The following FADS6 variants were observed in gnomAD, a reference collection of about 807,000 sequenced individuals.
FADS6 encodes fatty acid desaturase 6.
In FADS6, 28 loss-of-function variants were observed where a neutral mutation model predicts 31.7. The ratio of observed to expected loss-of-function variants is 0.88; its 90% CI spans 0.66 to 1.21. FADS6 has a LOEUF of 1.21. Among genes scored for constraint, FADS6 ranks in the 50% most tolerant of loss-of-function variants. The pLI, the probability that FADS6 is intolerant of heterozygous loss-of-function variation, is 0.00. For synonymous variants in FADS6, 191 were observed against 213.1 expected (o/e 0.90, Z 0.90); for missense variants, 494 against 504.2 (o/e 0.98, Z 0.19).
chr17:74,883,049 C>T (rs764862829), intron 2 of FADS6, among the ~76,000 whole-genome samples: 34 of 152,226 alleles, frequency 2.2e-4, no homozygotes, highest in Non-Finnish European at 4.1e-4. Flanking sequence ...GTGATGACCC[C>T]GGCATCCAAT....
intron 1 of FADS6, among the ~76,000 whole-genome samples, chr17:74,892,975 A>T (rs977517374): frequency 3.3e-5 from 5 of 152,088 alleles, no homozygotes; most frequent in African/African-American, 1.2e-4. Flanking sequence ...CAGACCAGGA[A>T]GGGTCCAGGG....
Position 74,882,533 on chromosome 17 carries a change from C to T in FADS6, c.589G>A (p.Val197Ile). The T allele has an allele frequency of 6.2e-7, 1 of 1,608,158 alleles. No individual in the cohort carries two copies. Among genetic ancestry groups the T allele is most frequent in the Non-Finnish European group, 8.5e-7 (1 of 1,176,854 alleles). The change falls in exon 3 of 6, where the codon GTC becomes ATC. Residue 197 changes from valine to isoleucine, a missense_variant. Physicochemically the swap from Val to Ile is conservative, Grantham distance 29. Around this residue, in one of 2 missense-constraint regions of FADS6, gnomAD observed 454 missense variants for 438.5 expected, o/e 1.04. Transcript: ENST00000612771. ...ACCGGGCTCTCATGGCACTCACCGA[C>T]AGCCACCAGTGGAGTGGCGATGGGG... Reference protein sequence around the residue: ...LLPIATPLVAVERLRKVELGT... With the variant: ...LLPIATPLVAIERLRKVELGT...
chr17:74,893,079 C>T (rs1342042932), intron 1 of FADS6, among the ~76,000 whole-genome samples: 1 of 142,176 alleles, frequency 7.0e-6, no homozygotes, highest in Non-Finnish European at 1.5e-5. Context: ...CCCGGCCACT[C>T]CCCCGCTCCT....
chr17:74,888,052 G>A (rs689777), intron 2 of FADS6, among the ~76,000 whole-genome samples: 15,255 of 151,844 alleles, frequency 0.1, 1,245 homozygotes, highest in African/African-American at 0.22. Context: ...AGTCCCTGGG[G>A]AAGTGGAACG....
At position 74,893,560 on chromosome 17, in the gene FADS6, G is replaced by GGGCTCCGTAGGTTCCATC. The variant is rs1567931227; in HGVS notation, c.18_35dup (p.Thr28_Pro33dup). On this transcript the variant is annotated inframe_insertion, in exon 1 of 6. Coordinates refer to ENST00000612771, the MANE Select transcript of FADS6 (RefSeq NM_178128.6). ...GTTCCATGGGCTCCGTAGGTTCCAT[G>GGGCTCCGTAGGTTCCATC]GGCTCCGTAGGTTCCATCGGCTCCG... The GGGCTCCGTAGGTTCCATC allele has an allele frequency of 4.0e-5, 55 of 1,374,436 alleles. No individual in the cohort carries two copies. Among genetic ancestry groups the GGGCTCCGTAGGTTCCATC allele is most frequent in the East Asian group, 2.0e-4 (7 of 34,572 alleles). The allele number at this position is 1,374,436 out of a possible 1,614,324, so 85.1% of individuals were successfully genotyped here.
At chr17:74,876,323 C>T (rs368748442), downstream of FADS6, among the ~76,000 whole-genome samples, 2 of 152,280 alleles carry the variant, frequency 1.3e-5, no homozygotes, top group South Asian at 4.1e-4. Context: ...AAAAACAAGG[C>T]AATTACACGC....
intron 2 of FADS6, 107 bp downstream of exon 2, chr17:74,892,415 GC>G (rs10715050): frequency 7.4e-7 from 1 of 1,355,560 alleles, no homozygotes. Flanking sequence ...GCAGCGGCCT[GC>G]CCCCGTGGGC....
intron 4 of FADS6, among the ~76,000 whole-genome samples, chr17:74,880,255 G>A (rs775920710): frequency 9.2e-5 from 14 of 152,126 alleles, no homozygotes; most frequent in African/African-American, 3.1e-4. Flanking sequence ...CATCTTTCTC[G>A]GGGCAGGCAC....
intron 2 of FADS6, among the ~76,000 whole-genome samples, chr17:74,887,322 C>T (rs949448545): frequency 1.3e-5 from 2 of 152,190 alleles, no homozygotes; most frequent in Non-Finnish European, 2.9e-5. Flanking sequence ...TGGGCTCAAG[C>T]GATCCTCCTG....
chr17:74,889,094 C>T (rs1352047176), intron 2 of FADS6, among the ~76,000 whole-genome samples: 1 of 152,184 alleles, frequency 6.6e-6, no homozygotes, highest in East Asian at 1.9e-4. Context: ...GAAACAACAG[C>T]CTGGAGTGGA....
intron 4 of FADS6, 55 bp downstream of exon 4, chr17:74,881,013 C>A: frequency 2.0e-6 from 3 of 1,531,442 alleles, no homozygotes; most frequent in Admixed American, 2.0e-5. Flanking sequence ...GTGATCAGGG[C>A]CCCTGGAGAA....
In FADS6 at chr17:74,878,386, C is replaced by A; in HGVS notation, c.1052G>T (p.Arg351Leu). The A allele has an allele frequency of 6.2e-7, 1 of 1,614,000 alleles. No homozygotes were observed. The highest frequency in any genetic ancestry group is 8.5e-7 in the Non-Finnish European group (1 of 1,179,880). The change falls in exon 6 of 6, where the codon CGC (arginine) becomes CTC (leucine). Residue 351 changes from arginine to leucine, a missense_variant. Physicochemically the swap from Arg to Leu is moderately radical, Grantham distance 102. Transcript: ENST00000612771. ...GGCCTGCACCATGAATTCCTCATAG[C>A]GACGGAGAAACAGCTGGAAGCGAGC... ...YLARFQLFLRRYEEFMVQAPP... is the reference protein window; with the variant it reads ...YLARFQLFLRLYEEFMVQAPP...
At chr17:74,893,265 G>A in intron 1 of FADS6, 87 bp downstream of exon 1, 1 of 1,371,226 alleles carries the variant, frequency 7.3e-7, no homozygotes, top group Non-Finnish European at 9.5e-7. Flanking sequence ...TCCCACGGCT[G>A]CTGTTGCAGA....
chr17:74,881,381 A>G, intron 3 of FADS6, 126 bp from the exon 4 acceptor site: 3 of 865,370 alleles, frequency 3.5e-6, no homozygotes, highest in Non-Finnish European at 5.2e-6. Flanking sequence ...AGCCCTGAAA[A>G]GCAGGGCACC....
intron 2 of FADS6, among the ~76,000 whole-genome samples, 192 bp downstream of exon 2, chr17:74,892,331 C>T (rs1057459079): frequency 7.2e-5 from 11 of 152,202 alleles, no homozygotes; most frequent in Non-Finnish European, 1.2e-4. Context: ...TGCAAAGACC[C>T]GCTCAAGGGC....
intron 2 of FADS6, among the ~76,000 whole-genome samples, chr17:74,888,154 ACG>A (rs67402175): frequency 7.7e-4 from 104 of 134,796 alleles, no homozygotes; most frequent in African/African-American, 2.2e-3. Context: ...ACACACACAC[ACG>A]CGCGCGCGCG....
rs1645543301 is a variant in FADS6, at chr17:74,892,414, T to C, written c.411+109A>G. The C allele has an allele frequency of 6.0e-6, 8 of 1,337,888 alleles. No homozygotes were observed. In the African/African-American group the frequency reaches 1.1e-4, roughly 18 times the overall value. 82.9% of individuals were successfully genotyped at this position (1,337,888 alleles called of 1,614,324 possible). ...CGGCATACCATCAGCTGCAGCGGCC[T>C]GCCCCCGTGGGCACATGCACAGCTG... On this transcript the variant is annotated intron_variant, in intron 2 of 5. Coordinates refer to ENST00000612771, the MANE Select transcript of FADS6 (RefSeq NM_178128.6).
chr17:74,880,651 C>T lies in FADS6; in HGVS notation c.780+417G>A, dbSNP rs543307013. Among the ~76,000 whole-genome samples, 3 of 152,252 alleles carry T rather than the reference C, an allele frequency of 2.0e-5. No individual in the cohort carries two copies. In the East Asian group the frequency reaches 5.8e-4, roughly 29 times the overall value. On this transcript the variant is annotated intron_variant, in intron 4 of 5. Coordinates refer to ENST00000612771, the MANE Select transcript of FADS6 (RefSeq NM_178128.6). The stretch of plus-strand genomic sequence containing the variant: ...GAACCACCGCACCCAGCTGAGAAGC[C>T]TGCTTCTTCCCTGAAACCAAAACTC...
chr17:74,882,000 A>C (rs1237638789), intron 3 of FADS6, among the ~76,000 whole-genome samples: 2 of 149,110 alleles, frequency 1.3e-5, no homozygotes, highest in East Asian at 4.0e-4. Flanking sequence ...CAATGGTGAG[A>C]TCTCGGCTCA....
Sources: allele counts gnomAD v4.1 joint callset (sites outside exome capture counted in the v4.1 genomes callset), GRCh38; gene constraint gnomAD v4.1.1; regional missense constraint gnomAD v4.1.1; transcripts MANE v1.5; gene names NCBI Gene and HGNC (gene_info 2026-07-23, HGNC 2026-07-21).